Variants in CELF4 observed in about 807,000 individuals in gnomAD.
CELF4 encodes CUG-BP- and ETR-3-like factor 4.
CELF4 carries 18 observed loss-of-function variants against 59.9 expected under a neutral mutation model. The observed-to-expected ratio is 0.30, with a 90% CI of 0.21 to 0.45. The LOEUF is 0.45. CELF4 is among the 20% of genes least tolerant of loss of function. The pLI, the probability that CELF4 is intolerant of heterozygous loss-of-function variation, is 1.00. For missense variants in CELF4, 456 were observed against 689.0 expected, an observed-to-expected ratio of 0.66 and a Z score of 3.79; for synonymous variants, 261 against 267.1, an observed-to-expected ratio of 0.98 and a Z score of 0.22.
At chr18:37,534,443 CTATT>C (rs1448388317) in intron 1 of CELF4, among the ~76,000 whole-genome samples, 5 of 152,152 alleles carry the variant, frequency 3.3e-5, no homozygotes, top group African/African-American at 1.2e-4. Context: ...CTGCACACCT[CTATT>C]TATTAGCATC....
intron 2 of CELF4, among the ~76,000 whole-genome samples, chr18:37,432,029 C>A (rs1259690421): frequency 3.3e-5 from 5 of 152,214 alleles, no homozygotes; most frequent in Non-Finnish European, 7.3e-5. Context: ...ATGAAAGATG[C>A]CTGTCTATTG....
chr18:37,259,221 C>T lies in CELF4; in HGVS notation c.1293G>A (p.Glu431=). 1.3e-6 allele frequency: 2 copies of T among 1,541,380 alleles called. No individual in the cohort carries two copies. Among genetic ancestry groups the T allele is most frequent in the East Asian group, 2.6e-5 (1 of 38,454 alleles). ...TCTGCATCAGCTCAGCGTCCCCAAACTCCTGGGGCAGATGGTAGATGAACA... is the reference window on the plus strand; with the variant it reads ...TCTGCATCAGCTCAGCGTCCCCAAATTCCTGGGGCAGATGGTAGATGAACA... The part of the protein sequence containing the change: ...CNLFIYHLPQ[E]FGDAELMQMF... The change falls in exon 11 of 13, where the codon GAG becomes GAA. Residue 431 remains glutamate (E), a synonymous_variant. Coordinates refer to ENST00000420428, the MANE Select transcript of CELF4 (RefSeq NM_020180.4).
chr18:37,313,778 C>T (rs2096761630), intron 3 of CELF4, among the ~76,000 whole-genome samples: 3 of 152,236 alleles, frequency 2.0e-5, no homozygotes, highest in African/African-American at 7.2e-5. Context: ...GATAGGGCTA[C>T]AGATGGTGGA....
chr18:37,398,339 G>A (rs2099271781), intron 2 of CELF4, among the ~76,000 whole-genome samples: 5 of 152,188 alleles, frequency 3.3e-5, no homozygotes, highest in Admixed American at 3.3e-4. Context: ...GGTAGGTTTC[G>A]GGAGCAGAAC....
intron 2 of CELF4, among the ~76,000 whole-genome samples, chr18:37,398,024 T>C (rs2099267243): frequency 6.6e-6 from 1 of 151,906 alleles, no homozygotes; most frequent in South Asian, 2.1e-4. Flanking sequence ...CAGGCCCGGG[T>C]CAGTGGCAAC....
chr18:37,405,954 A>G (rs559470924), intron 2 of CELF4, among the ~76,000 whole-genome samples: 1 of 152,270 alleles, frequency 6.6e-6, no homozygotes, highest in South Asian at 2.1e-4. Context: ...ACTTACATGC[A>G]TAACACCCCC....
chr18:37,293,990 T>A (rs935211425), intron 3 of CELF4, among the ~76,000 whole-genome samples: 2 of 152,140 alleles, frequency 1.3e-5, no homozygotes, highest in African/African-American at 4.8e-5. Context: ...ACCAACCACC[T>A]GACTGACAAC....
At chr18:37,533,009 C>T (rs949880944) in intron 1 of CELF4, among the ~76,000 whole-genome samples, 2 of 152,244 alleles carry the variant, frequency 1.3e-5, no homozygotes, top group Admixed American at 1.3e-4. Flanking sequence ...AGCTAAATTT[C>T]CCAGAATTAT....
chr18:37,263,549 C>G (rs549148215), intron 10 of CELF4, among the ~76,000 whole-genome samples: 32 of 152,124 alleles, frequency 2.1e-4, no homozygotes, highest in Middle Eastern at 3.4e-3. Flanking sequence ...TGTCCTGCCC[C>G]CTCAAGCTGA....
chr18:37,523,232 G>C (rs1295330526), intron 1 of CELF4, among the ~76,000 whole-genome samples: 1 of 152,174 alleles, frequency 6.6e-6, no homozygotes, highest in African/African-American at 2.4e-5. Context: ...AGTCTTCAGA[G>C]GCTCGTTTGT....
At chr18:37,312,258 G>A (rs1208800918) in intron 3 of CELF4, among the ~76,000 whole-genome samples, 2 of 120,850 alleles carry the variant, frequency 1.7e-5, no homozygotes, top group African/African-American at 5.7e-5. Context: ...AATGTGGTCA[G>A]ATAGGTGACA....
chr18:37,493,061 C>A (rs1294876732), intron 1 of CELF4, among the ~76,000 whole-genome samples: 1 of 152,200 alleles, frequency 6.6e-6, no homozygotes, highest in Non-Finnish European at 1.5e-5. Flanking sequence ...CAAGTACTCC[C>A]TGCTGGTATT....
chr18:37,353,233 A>AAAAAAAAATATATAT, intron 2 of CELF4, among the ~76,000 whole-genome samples: 1 of 106,978 alleles, frequency 9.3e-6, no homozygotes, highest in East Asian at 2.8e-4. Context: ...AAAAAAAAAA[A>AAAAAAAAATATATAT]ATATATATAT....
chr18:37,333,041 G>C (rs568970471), intron 2 of CELF4, among the ~76,000 whole-genome samples: 2 of 152,224 alleles, frequency 1.3e-5, no homozygotes, highest in South Asian at 2.1e-4. Context: ...TCTTCAGGGT[G>C]GGGGAGTGAG....
At chr18:37,408,386 C>T (rs900730398) in intron 2 of CELF4, among the ~76,000 whole-genome samples, 1 of 151,874 alleles carries the variant, frequency 6.6e-6, no homozygotes, top group Non-Finnish European at 1.5e-5. Flanking sequence ...GGACCAAGCA[C>T]CCAACTTTCC....
At chr18:37,263,274 C>T (rs1347760801) in intron 10 of CELF4, among the ~76,000 whole-genome samples, 1 of 152,164 alleles carries the variant, frequency 6.6e-6, no homozygotes, top group Non-Finnish European at 1.5e-5. Context: ...GGCTCTCAGC[C>T]AGGCAGGCTG....
intron 2 of CELF4, among the ~76,000 whole-genome samples, chr18:37,418,304 C>CG (rs1357586689): frequency 6.6e-6 from 1 of 152,152 alleles, no homozygotes; most frequent in African/African-American, 2.4e-5. Context: ...TGGTCAAGCA[C>CG]GGGCAGGTCT....
chr18:37,431,362 C>CTTTTTTTTTTTTT (rs35971960), intron 2 of CELF4, among the ~76,000 whole-genome samples: 3 of 81,566 alleles, frequency 3.7e-5, no homozygotes, highest in Admixed American at 1.5e-4. Flanking sequence ...CCTTTCTTTC[C>CTTTTTTTTTTTTT]TTTTTTTTTT....
intron 8 of CELF4, among the ~76,000 whole-genome samples, chr18:37,269,198 T>C (rs1408087997): frequency 6.6e-6 from 1 of 151,848 alleles, no homozygotes; most frequent in Non-Finnish European, 1.5e-5. Flanking sequence ...CAGCTTGGGG[T>C]CATCATCCTT....
Sources: gnomAD v4.1 joint callset for allele counts (sites outside exome capture counted in the v4.1 genomes callset) on GRCh38, gnomAD v4.1.1 for gene constraint, MANE v1.5 for transcripts, NCBI Gene and HGNC (gene_info 2026-07-23, HGNC 2026-07-21) for gene names.